Variants in PASD1 observed in about 807,000 individuals in gnomAD.
The protein encoded by PASD1 is circadian clock protein PASD1.
PASD1 carries 13 observed loss-of-function variants against 58.8 expected under a neutral mutation model. That is an observed-to-expected ratio of 0.22 (90% CI 0.14 to 0.35). The LOEUF (loss-of-function observed/expected upper bound fraction) is 0.35. Ranked by LOEUF, PASD1 falls within the 10% of genes least tolerant of loss-of-function variation. The pLI is 1.00. For synonymous variants in PASD1, 236 were observed against 216.7 expected, an observed-to-expected ratio of 1.09 and a Z score of -0.78; for missense variants, 734 against 568.3, an observed-to-expected ratio of 1.29 and a Z score of -2.96.
chrX:151,665,542 G>A (rs112089875), intron 11 of PASD1, among the ~76,000 whole-genome samples: 9 of 111,579 alleles, frequency 8.1e-5, no homozygotes, highest in African/African-American at 2.9e-4. Flanking sequence ...ATCTTAATCA[G>A]TTGCCGAAGA....
chrX:151,623,607 T>C (rs1179120053), intron 7 of PASD1, among the ~76,000 whole-genome samples: 2 of 112,304 alleles, frequency 1.8e-5, no homozygotes, highest in East Asian at 5.6e-4. Context: ...ACAGGTACTG[T>C]GCTAGGTGCC....
At chrX:151,643,075 A>C (rs2014017005) in intron 8 of PASD1, among the ~76,000 whole-genome samples, 1 of 112,279 alleles carries the variant, frequency 8.9e-6, no homozygotes, top group Admixed American at 9.5e-5. Context: ...CCAACTCAGC[A>C]TACTGCAAAT....
chrX:151,579,899 T>C (rs1318115776), intron 1 of PASD1, among the ~76,000 whole-genome samples: 2 of 112,322 alleles, frequency 1.8e-5, no homozygotes, highest in African/African-American at 6.5e-5. Context: ...TCTCTTTATC[T>C]CAGTAGCAGT....
intron 8 of PASD1, among the ~76,000 whole-genome samples, chrX:151,646,608 G>A (rs1412825970): frequency 2.7e-5 from 3 of 112,626 alleles, no homozygotes; most frequent in Non-Finnish European, 5.6e-5. Flanking sequence ...ATATTCCTAT[G>A]TTGTTTATCT....
intron 1 of PASD1, among the ~76,000 whole-genome samples, chrX:151,580,021 A>G (rs1441767791): frequency 8.9e-6 from 1 of 111,816 alleles, no homozygotes; most frequent in Non-Finnish European, 1.9e-5. Context: ...AAGTATGATT[A>G]CTTTAACCCA....
In PASD1 at chrX:151,625,390, G is replaced by A. The variant is rs2013770144; in HGVS notation, c.547-58G>A. The stretch of plus-strand genomic sequence containing the variant: ...CATGCCTCCAAAATTAATATATGCT[G>A]TGCATTTTTACTATTTATATACATA... On this transcript the variant is annotated intron_variant, in intron 7 of 15. Transcript: ENST00000370357. 9 of 892,757 alleles carry A rather than the reference G, an allele frequency of 1.0e-5. No individual in the cohort carries two copies. In the South Asian group the frequency reaches 2.0e-4, roughly 20 times the overall value. 73.6% of individuals were successfully genotyped at this position (892,757 alleles called of 1,213,427 possible).
chrX:151,671,898 C>T, intron 13 of PASD1, 119 bp downstream of exon 13: 1 of 840,834 alleles, frequency 1.2e-6, no homozygotes, highest in African/African-American at 2.0e-5. Context: ...ATTTATTTGC[C>T]CAAGATAGTA....
Position 151,659,708 on chromosome X carries a change from T to C in PASD1, c.718-5T>C. On this transcript the variant is annotated splice_region_variant and splice_polypyrimidine_tract_variant and intron_variant, in intron 9 of 15. Transcript: ENST00000370357. ...GTCCTATCTTTCTCTTTTGGAAATG[T>C]ACAGGACCAAATTGATATTGCAGAG... The C allele has an allele frequency of 5.0e-6, 6 of 1,200,527 alleles. No homozygotes were observed. Among genetic ancestry groups the C allele is most frequent in the Non-Finnish European group, 6.8e-6 (6 of 888,038 alleles).
chrX:151,584,417 A>G (rs778019465), intron 1 of PASD1, among the ~76,000 whole-genome samples: 4 of 111,995 alleles, frequency 3.6e-5, no homozygotes, highest in African/African-American at 6.5e-5. Flanking sequence ...ACTAGGTTTT[A>G]TTGTCCAGCT....
intron 4 of PASD1, among the ~76,000 whole-genome samples, chrX:151,612,689 T>C (rs1298425704): frequency 9.0e-6 from 1 of 111,512 alleles, no homozygotes; most frequent in Non-Finnish European, 1.9e-5. Flanking sequence ...GTAAATTTGT[T>C]TGAGTTCATT....
At chrX:151,565,266 C>G (rs754687236) in intron 1 of PASD1, among the ~76,000 whole-genome samples, 1 of 112,325 alleles carries the variant, frequency 8.9e-6, no homozygotes, top group South Asian at 3.7e-4. Flanking sequence ...TCCTTTCCAC[C>G]AAACTAAAGA....
intron 10 of PASD1, among the ~76,000 whole-genome samples, chrX:151,662,204 C>G (rs971728794): frequency 2.7e-5 from 3 of 111,192 alleles, no homozygotes; most frequent in Admixed American, 1.9e-4. Context: ...TTCCTTGTCT[C>G]TCTTTCATTC....
intron 4 of PASD1, among the ~76,000 whole-genome samples, chrX:151,614,494 C>G (rs1013515350): frequency 1.8e-5 from 2 of 112,116 alleles, no homozygotes; most frequent in African/African-American, 6.5e-5. Context: ...AACAACCCTC[C>G]CACACAAACT....
chrX:151,649,449 C>T (rs2014103941), intron 9 of PASD1, among the ~76,000 whole-genome samples: 2 of 111,686 alleles, frequency 1.8e-5, no homozygotes, highest in Non-Finnish European at 3.8e-5. Flanking sequence ...AGTTGTTTTA[C>T]CTTGGACAGC....
intron 8 of PASD1, among the ~76,000 whole-genome samples, chrX:151,633,927 T>G (rs751999149): frequency 1.8e-4 from 20 of 111,993 alleles, no homozygotes; most frequent in Non-Finnish European, 3.4e-4. Flanking sequence ...AATAATGTTA[T>G]TTTTTTCTCA....
At chrX:151,601,887 G>C (rs5924649) in intron 2 of PASD1, among the ~76,000 whole-genome samples, 3 of 112,301 alleles carry the variant, frequency 2.7e-5, no homozygotes, top group Non-Finnish European at 5.6e-5. Context: ...GATATTTTTA[G>C]AAGACAGTTT....
At position 151,604,698 on chromosome X, in the gene PASD1, T is replaced by G. The variant is rs1294376730; in HGVS notation, c.81T>G (p.Phe27Leu). 9 of 1,209,132 alleles carry G rather than the reference T, an allele frequency of 7.4e-6. No homozygotes were observed. The East Asian group carries it at 2.7e-4, about 36-fold the overall frequency. Reference sequence around the variant, plus strand: ...GGAAATTAAACTGGATTCCATCATTTCCTACCTATGATTACTTCAACCAAG... The same window carrying G: ...GGAAATTAAACTGGATTCCATCATTGCCTACCTATGATTACTTCAACCAAG... Reference protein sequence around the residue: ...SQRKLNWIPSFPTYDYFNQVT... With the variant: ...SQRKLNWIPSLPTYDYFNQVT... Residue 27 changes from phenylalanine (F) to leucine (L), a missense_variant, in exon 3 of 16, where the codon TTT becomes TTG. By Grantham distance (22) the Phe-to-Leu change is conservative (BLOSUM62 0). Transcript: ENST00000370357.
intron 1 of PASD1, among the ~76,000 whole-genome samples, chrX:151,584,367 C>A (rs990146276): frequency 8.9e-6 from 1 of 112,117 alleles, no homozygotes; most frequent in African/African-American, 3.2e-5. Context: ...TAAAATCTTA[C>A]AATTCGTGTT....
At chrX:151,661,545 T>A (rs1881392537) in intron 10 of PASD1, among the ~76,000 whole-genome samples, 1 of 112,189 alleles carries the variant, frequency 8.9e-6, no homozygotes, top group African/African-American at 3.2e-5. Flanking sequence ...TCATTTAGCT[T>A]CCCCTAATGT....
Sources: gnomAD v4.1 joint callset for allele counts (sites outside exome capture counted in the v4.1 genomes callset) on GRCh38, gnomAD v4.1.1 for gene constraint, MANE v1.5 for transcripts, NCBI Gene and HGNC (gene_info 2026-07-23, HGNC 2026-07-21) for gene names.